SH3BGRL: variants seen among roughly 807,000 people sequenced by gnomAD.
SH3BGRL encodes the protein adapter SH3BGRL.
A neutral mutation model predicts 9.8 loss-of-function variants in SH3BGRL; 7 were observed. The ratio of observed to expected loss-of-function variants is 0.72; its 90% CI spans 0.41 to 1.35. The LOEUF is 1.35. SH3BGRL is among the 40% of genes most tolerant of loss of function. SH3BGRL has a pLI of 0.01. For missense variants in SH3BGRL, 73 were observed against 84.4 expected, an observed-to-expected ratio of 0.86 and a Z score of 0.53; for synonymous variants, 36 against 29.1, an observed-to-expected ratio of 1.24 and a Z score of -0.76.
intron 3 of SH3BGRL, among the ~76,000 whole-genome samples, chrX:81,294,677 G>A (rs2075868717): frequency 9.0e-6 from 1 of 111,362 alleles, no homozygotes; most frequent in Non-Finnish European, 1.9e-5. Context: ...AGAGCTGTGA[G>A]AAGAGGGCCA....
At chrX:81,272,741 C>T (rs934926806) in intron 1 of SH3BGRL, among the ~76,000 whole-genome samples, 8 of 110,431 alleles carry the variant, frequency 7.2e-5, no homozygotes, top group South Asian at 3.9e-4. Context: ...CCTCGTTATC[C>T]GCCCGCCTCG....
At chrX:81,272,745 C>T (rs1351692389) in intron 1 of SH3BGRL, among the ~76,000 whole-genome samples, 3 of 110,673 alleles carry the variant, frequency 2.7e-5, no homozygotes, top group South Asian at 3.8e-4. Flanking sequence ...GTTATCCGCC[C>T]GCCTCGGCTT....
intron 1 of SH3BGRL, among the ~76,000 whole-genome samples, chrX:81,226,498 A>G (rs996995029): frequency 1.9e-5 from 2 of 104,292 alleles, no homozygotes; most frequent in Non-Finnish European, 3.9e-5. Context: ...ATTTATATAT[A>G]TATATATATC....
At chrX:81,260,145 A>G (rs927471322) in intron 1 of SH3BGRL, among the ~76,000 whole-genome samples, 10 of 112,062 alleles carry the variant, frequency 8.9e-5, no homozygotes, top group Non-Finnish European at 1.3e-4. Context: ...ATGCAAAAGT[A>G]TTATGAGTCA....
At chrX:81,223,704 C>CT (rs891170039) in intron 1 of SH3BGRL, among the ~76,000 whole-genome samples, 22 of 108,472 alleles carry the variant, frequency 2.0e-4, no homozygotes, top group East Asian at 5.8e-4. Context: ...GTGTTTTAAA[C>CT]TTTTTTTTTT....
chrX:81,205,869 C>G (rs1286473186), intron 1 of SH3BGRL, among the ~76,000 whole-genome samples: 1 of 110,758 alleles, frequency 9.0e-6, no homozygotes, highest in Non-Finnish European at 1.9e-5. Context: ...AGTGCCCTTA[C>G]CAGCATTTGT....
At chrX:81,230,292 A>T (rs1208253135) in intron 1 of SH3BGRL, among the ~76,000 whole-genome samples, 1 of 112,288 alleles carries the variant, frequency 8.9e-6, no homozygotes, top group Non-Finnish European at 1.9e-5. Flanking sequence ...TACTTTCATT[A>T]ATGTTACATT....
chrX:81,278,247 G>A (rs1194210170), intron 2 of SH3BGRL, 84 bp from the exon 3 acceptor site: 1 of 681,341 alleles, frequency 1.5e-6, no homozygotes, highest in Non-Finnish European at 2.2e-6. Context: ...ACAGGCGTGA[G>A]CCACTGCTTT....
rs751508823 is a variant in SH3BGRL, at chrX:81,242,502, T to TTGGTC, written c.46-34478_46-34474dup. ...ACATTGGGGGAAACTCTTTAGGATATTGGTCTGGGCAAAAATTGCTTGAGT... is the reference window on the plus strand; with the variant it reads ...ACATTGGGGGAAACTCTTTAGGATATTGGTCTGGTCTGGGCAAAAATTGCTTGAGT... On this transcript the variant is annotated intron_variant, in intron 1 of 3. Coordinates refer to ENST00000373212, the MANE Select transcript of SH3BGRL (RefSeq NM_003022.3). 6.2e-5 allele frequency among the ~76,000 whole-genome samples: 7 copies of TTGGTC among 112,102 alleles called. No individual in the cohort carries two copies. In the South Asian group the frequency reaches 2.6e-3, roughly 41 times the overall value.
intron 1 of SH3BGRL, among the ~76,000 whole-genome samples, chrX:81,267,834 C>T (rs886902519): frequency 9.0e-6 from 1 of 111,497 alleles, no homozygotes; most frequent in Non-Finnish European, 1.9e-5. Flanking sequence ...GTCTGTGAAT[C>T]CGTCTGGTCC....
At chrX:81,260,433 A>C (rs2075737720) in intron 1 of SH3BGRL, among the ~76,000 whole-genome samples, 1 of 111,793 alleles carries the variant, frequency 8.9e-6, no homozygotes, top group East Asian at 2.8e-4. Flanking sequence ...AGCTTAGCAC[A>C]GTGCCTGGCC....
Position 81,278,429 on chromosome X carries a change from T to C in SH3BGRL, c.312+18T>C. 9.6e-7 allele frequency: 1 copy of C among 1,040,956 alleles called. No individual in the cohort carries two copies. Among genetic ancestry groups the C allele is most frequent in the Non-Finnish European group, 1.3e-6 (1 of 754,574 alleles). 85.8% of individuals were successfully genotyped at this position (1,040,956 alleles called of 1,213,427 possible). A position where few individuals can be genotyped will look rare whatever the true frequency, so the allele number is the denominator to read the frequency against. Reference sequence around the variant, plus strand: ...GTTCAAAGGTATGATACCCTTTTTTTCCTGTTTTATAGGTCATTTTATTGC... The same window carrying C: ...GTTCAAAGGTATGATACCCTTTTTTCCCTGTTTTATAGGTCATTTTATTGC... On this transcript the variant is annotated intron_variant, in intron 3 of 3. Transcript: ENST00000373212.
At chrX:81,236,944 C>T (rs1402277719) in intron 1 of SH3BGRL, among the ~76,000 whole-genome samples, 1 of 104,398 alleles carries the variant, frequency 9.6e-6, no homozygotes, top group Non-Finnish European at 2.0e-5. Context: ...AATAGGATGA[C>T]AGTGCAAGGA....
intron 1 of SH3BGRL, among the ~76,000 whole-genome samples, chrX:81,222,641 A>G (rs1203501924): frequency 6.3e-4 from 70 of 111,060 alleles, no homozygotes; most frequent in African/African-American, 2.1e-3. Flanking sequence ...ATACATGTGC[A>G]TGTGTCTTTA....
At chrX:81,234,040 T>C (rs2075640423) in intron 1 of SH3BGRL, among the ~76,000 whole-genome samples, 1 of 111,688 alleles carries the variant, frequency 9.0e-6, no homozygotes, top group Non-Finnish European at 1.9e-5. Flanking sequence ...ACAGATTATT[T>C]TGTCTTTCAT....
intron 1 of SH3BGRL, among the ~76,000 whole-genome samples, chrX:81,243,435 CA>C (rs1179035118): frequency 1.8e-5 from 2 of 111,322 alleles, no homozygotes; most frequent in Non-Finnish European, 3.8e-5. Flanking sequence ...TTATTGGGTA[CA>C]AAAAAGTTGG....
chrX:81,212,456 T>C (rs892682178), intron 1 of SH3BGRL, among the ~76,000 whole-genome samples: 2 of 110,965 alleles, frequency 1.8e-5, no homozygotes, highest in South Asian at 7.5e-4. Flanking sequence ...CATTCTTTTT[T>C]TTTGAAAAAG....
intron 1 of SH3BGRL, among the ~76,000 whole-genome samples, chrX:81,272,506 T>TC (rs1310236247): frequency 9.6e-6 from 1 of 104,588 alleles, no homozygotes; most frequent in African/African-American, 3.5e-5. Context: ...TCTTTTCTTT[T>TC]TTTTTTTTTT....
intron 1 of SH3BGRL, among the ~76,000 whole-genome samples, chrX:81,234,430 T>G (rs942771184): frequency 8.9e-6 from 1 of 112,301 alleles, no homozygotes; most frequent in Non-Finnish European, 1.9e-5. Flanking sequence ...GTATTAATGC[T>G]TCTTCCAATG....
Sources: gnomAD v4.1 joint callset for allele counts (sites outside exome capture counted in the v4.1 genomes callset) on GRCh38, gnomAD v4.1.1 for gene constraint, MANE v1.5 for transcripts, NCBI Gene and HGNC (gene_info 2026-07-23, HGNC 2026-07-21) for gene names.